Variants in NAALADL2 observed in about 807,000 individuals in gnomAD.
NAALADL2 encodes inactive N-acetylated-alpha-linked acidic dipeptidase-like protein 2.
In NAALADL2, 76 loss-of-function variants were observed where a neutral mutation model predicts 87.2. The observed-to-expected ratio is 0.87, with a 90% CI of 0.72 to 1.05. NAALADL2 has a LOEUF of 1.05. Ranked by LOEUF, NAALADL2 falls within the 50% of genes least tolerant of loss-of-function variation. The pLI is 0.00. For synonymous variants in NAALADL2, 354 were observed against 331.0 expected (o/e 1.07, Z -0.75); for missense variants, 1,089 against 945.8 (o/e 1.15, Z -1.99).
At chr3:175,444,755 AATGCACTGTTATCTATATAAGGGAGC>A (rs1230958200) in intron 5 of NAALADL2, among the ~76,000 whole-genome samples, 1 of 152,204 alleles carries the variant, frequency 6.6e-6, no homozygotes, top group Non-Finnish European at 1.5e-5. Flanking sequence ...CTGTGGTCCG[AATGCACTGTTATCTATATAAGGGAGC>A]AATGAAATTA....
chr3:175,677,298 G>T (rs1734919909), intron 11 of NAALADL2, among the ~76,000 whole-genome samples: 2 of 152,138 alleles, frequency 1.3e-5, no homozygotes, highest in African/African-American at 2.4e-5. Context: ...AGGAGGTGGA[G>T]GTTGCAGTGA....
chr3:174,786,968 T>C (rs1052004837), intron 3 of NAALADL2, among the ~76,000 whole-genome samples: 1 of 152,086 alleles, frequency 6.6e-6, no homozygotes, highest in Admixed American at 6.6e-5. Flanking sequence ...AAAAAAATTA[T>C]ACAAATCAGA....
intron 1 of NAALADL2, among the ~76,000 whole-genome samples, chr3:174,991,817 T>G (rs1157259031): frequency 6.6e-6 from 1 of 152,146 alleles, no homozygotes; most frequent in East Asian, 1.9e-4. Context: ...TGTGTTAACA[T>G]TATTGTCTGT....
chr3:174,983,109 T>C (rs772416736), intron 1 of NAALADL2, among the ~76,000 whole-genome samples: 3 of 152,160 alleles, frequency 2.0e-5, no homozygotes, highest in Non-Finnish European at 4.4e-5. Context: ...AAAGAACTTT[T>C]ATTACTCCTA....
At chr3:174,911,626 G>T (rs1733722683) in intron 1 of NAALADL2, among the ~76,000 whole-genome samples, 1 of 152,058 alleles carries the variant, frequency 6.6e-6, no homozygotes, top group Non-Finnish European at 1.5e-5. Context: ...AAGCCCAAAA[G>T]TCACAAGAGT....
chr3:174,632,261 A>C (rs558207929), intron 2 of NAALADL2, among the ~76,000 whole-genome samples: 1 of 152,270 alleles, frequency 6.6e-6, no homozygotes, highest in Non-Finnish European at 1.5e-5. Context: ...ACGTTCAATA[A>C]ACCAACATTT....
At chr3:175,120,174 A>T (rs1295936779) in intron 2 of NAALADL2, among the ~76,000 whole-genome samples, 1 of 151,654 alleles carries the variant, frequency 6.6e-6, no homozygotes, top group East Asian at 1.9e-4. Context: ...GAAAAAGATG[A>T]TTTTAAGATC....
chr3:175,792,653 C>G (rs189999176), intron 13 of NAALADL2, among the ~76,000 whole-genome samples: 1 of 152,062 alleles, frequency 6.6e-6, no homozygotes, highest in Non-Finnish European at 1.5e-5. Context: ...AGTAAGTAAT[C>G]AAGTATAGTA....
At chr3:175,752,561 A>G (rs1746745068) in intron 12 of NAALADL2, among the ~76,000 whole-genome samples, 1 of 152,156 alleles carries the variant, frequency 6.6e-6, no homozygotes, top group Non-Finnish European at 1.5e-5. Context: ...ATGATTGAGT[A>G]AACATTGAAA....
In NAALADL2 at chr3:175,293,737, C is replaced by G. The variant is rs137999437; in HGVS notation, c.940-30438C>G. 2.3e-3 allele frequency among the ~76,000 whole-genome samples: 350 copies of G among 152,290 alleles called. 8 individuals carry two copies. Among genetic ancestry groups the G allele is most frequent in the Admixed American group, 0.014 (221 of 15,298 alleles). On this transcript the variant is annotated intron_variant, in intron 4 of 13. Transcript: ENST00000454872. ...TGACATCTATGAACCTGAAAGTGAA[C>G]CCTCATCAGACACAAATTTGCCATT...
chr3:174,593,888 T>C (rs1717628448), intron 2 of NAALADL2, among the ~76,000 whole-genome samples: 1 of 152,144 alleles, frequency 6.6e-6, no homozygotes, highest in African/African-American at 2.4e-5. Flanking sequence ...AGACTAACAC[T>C]GATGCTTAAT....
intron 3 of NAALADL2, among the ~76,000 whole-genome samples, chr3:174,829,376 T>C (rs1390228059): frequency 1.3e-5 from 2 of 150,644 alleles, no homozygotes; most frequent in Non-Finnish European, 2.9e-5. Context: ...TTTGTTTTTT[T>C]GTTCTTGCGA....
At chr3:174,460,701 T>G (rs1716162813) in intron 1 of NAALADL2, among the ~76,000 whole-genome samples, 1 of 152,082 alleles carries the variant, frequency 6.6e-6, no homozygotes, top group African/African-American at 2.4e-5. Flanking sequence ...ACGTAATTTT[T>G]TTTGACTTTA....
At chr3:175,105,121 A>T (rs1363264851) in intron 2 of NAALADL2, among the ~76,000 whole-genome samples, 1 of 152,146 alleles carries the variant, frequency 6.6e-6, no homozygotes, top group African/African-American at 2.4e-5. Flanking sequence ...ACTGTTTGAG[A>T]TCTGGCTCAG....
chr3:174,528,432 C>T (rs897808716), intron 1 of NAALADL2, among the ~76,000 whole-genome samples: 4 of 152,082 alleles, frequency 2.6e-5, no homozygotes, highest in East Asian at 1.9e-4. Flanking sequence ...GAGTTTGAGA[C>T]CAGTCTGGCC....
chr3:175,573,420 A>C (rs2149548411), intron 9 of NAALADL2, among the ~76,000 whole-genome samples: 1 of 152,332 alleles, frequency 6.6e-6, no homozygotes, highest in African/African-American at 2.4e-5. Flanking sequence ...AAATGGTGCA[A>C]CAATCTCGAT....
Position 175,580,240 on chromosome 3 carries a change from C to CTG in NAALADL2, c.1800+4070_1800+4071dup, listed in dbSNP as rs573662756. 2.1e-3 allele frequency among the ~76,000 whole-genome samples: 310 copies of CTG among 150,458 alleles called. 4 individuals carry two copies. Among genetic ancestry groups the CTG allele is most frequent in the East Asian group, 4.7e-3 (24 of 5,132 alleles). On this transcript the variant is annotated intron_variant, in intron 10 of 13. Coordinates refer to ENST00000454872, the MANE Select transcript of NAALADL2 (RefSeq NM_207015.3). ...TATACAGCAGTATGTAATTATGCCTCTGTGTGTGTGTGTGTGTGAATTTTA... is the reference window on the plus strand; with the variant it reads ...TATACAGCAGTATGTAATTATGCCTCTGTGTGTGTGTGTGTGTGTGAATTTTA...
At chr3:174,768,127 C>T (rs949944570) in intron 3 of NAALADL2, among the ~76,000 whole-genome samples, 1 of 152,154 alleles carries the variant, frequency 6.6e-6, no homozygotes, top group Non-Finnish European at 1.5e-5. Flanking sequence ...GAAACCCTTT[C>T]TGGCAAGTTA....
chr3:174,889,179 C>A (rs916059815), intron 1 of NAALADL2, among the ~76,000 whole-genome samples: 2 of 152,088 alleles, frequency 1.3e-5, no homozygotes, highest in Non-Finnish European at 2.9e-5. Context: ...AACCAAAAAA[C>A]CATTAGAAAA....
Sources: allele counts gnomAD v4.1 joint callset (sites outside exome capture counted in the v4.1 genomes callset), GRCh38; gene constraint gnomAD v4.1.1; transcripts MANE v1.5; gene names NCBI Gene and HGNC (gene_info 2026-07-23, HGNC 2026-07-21).